Variants in SPECC1 observed in about 807,000 individuals in gnomAD.
The protein encoded by SPECC1 is sperm antigen with calponin homology and coiled-coil domains 1, also known as cytospin-B.
Under a neutral mutation model 104.1 loss-of-function variants are expected in SPECC1, and 62 were observed. The ratio of observed to expected loss-of-function variants is 0.60; its 90% CI spans 0.49 to 0.74. SPECC1 has a LOEUF of 0.74. Among genes scored for constraint, SPECC1 ranks in the 30% least tolerant of loss-of-function variants. The probability of loss-of-function intolerance (pLI) is 0.00; values close to 1 mark genes in which losing one functional copy is unlikely to be tolerated. For synonymous variants in SPECC1, 513 were observed against 501.6 expected, an observed-to-expected ratio of 1.02 and a Z score of -0.30; for missense variants, 1,306 against 1,310.5, an observed-to-expected ratio of 1.00 and a Z score of 0.05.
chr17:20,052,173 T>C (rs1367066528), intron 1 of SPECC1, among the ~76,000 whole-genome samples: 2 of 152,222 alleles, frequency 1.3e-5, no homozygotes, highest in African/African-American at 4.8e-5. Context: ...TTCAATATCA[T>C]GTGCCTAGTA....
chr17:20,232,510 C>T (rs2038659484), intron 7 of SPECC1, 105 bp downstream of exon 7: 2 of 1,295,426 alleles, frequency 1.5e-6, no homozygotes, highest in Admixed American at 2.3e-5. Flanking sequence ...TCTGCTATTT[C>T]CTTTCTGAGA....
intron 3 of SPECC1, among the ~76,000 whole-genome samples, chr17:20,171,097 T>C (rs1432383966): frequency 6.6e-6 from 1 of 152,230 alleles, no homozygotes; most frequent in African/African-American, 2.4e-5. Context: ...TATAGTTATA[T>C]TTTGGCCTCT....
At chr17:20,120,140 C>A (rs1224066732) in intron 3 of SPECC1, among the ~76,000 whole-genome samples, 3 of 152,218 alleles carry the variant, frequency 2.0e-5, no homozygotes, top group Non-Finnish European at 4.4e-5. Context: ...GTAATCCCAG[C>A]ACTCTGGGAG....
At chr17:20,313,392 G>A (rs1598187329) in intron 14 of SPECC1, among the ~76,000 whole-genome samples, 1 of 152,260 alleles carries the variant, frequency 6.6e-6, no homozygotes, top group Non-Finnish European at 1.5e-5. Context: ...TCGACAGAAG[G>A]AAACAATACT....
At chr17:20,308,217 G>A (rs59694824) in intron 14 of SPECC1, among the ~76,000 whole-genome samples, 10 of 151,896 alleles carry the variant, frequency 6.6e-5, no homozygotes, top group Admixed American at 1.3e-4. Flanking sequence ...GTGAAAGCCC[G>A]TACCTACTAA....
At chr17:20,056,837 A>G (rs148728079) in intron 1 of SPECC1, among the ~76,000 whole-genome samples, 1,893 of 152,322 alleles carry the variant, frequency 0.012, 44 homozygotes, top group African/African-American at 0.043. Context: ...AAATAATTAA[A>G]AAATTAATTA....
intron 12 of SPECC1, among the ~76,000 whole-genome samples, chr17:20,287,508 C>T (rs898918030): frequency 1.3e-5 from 2 of 149,616 alleles, no homozygotes; most frequent in African/African-American, 4.9e-5. Context: ...CTCAATTCAT[C>T]TCTTTTCTGC....
rs150413678 is a variant in SPECC1, at chr17:20,287,828, G to A, written c.2941-9133G>A. Among the ~76,000 whole-genome samples the A allele has an allele frequency of 1.6e-3, 248 of 151,864 alleles. 1 individual carries two copies. The highest frequency in any genetic ancestry group is 5.9e-3 in the African/African-American group (243 of 41,394). On this transcript the variant is annotated intron_variant, in intron 12 of 14. Coordinates refer to ENST00000395527, the MANE Select transcript of SPECC1 (RefSeq NM_001243439.2). ...ATCAACTTTTATTTTAAAATTTCAGGGTACATGTGCAGGATGTGCAGGTTT... is the reference window on the plus strand; with the variant it reads ...ATCAACTTTTATTTTAAAATTTCAGAGTACATGTGCAGGATGTGCAGGTTT...
chr17:20,177,765 A>G (rs2034573695), intron 3 of SPECC1, among the ~76,000 whole-genome samples: 1 of 152,134 alleles, frequency 6.6e-6, no homozygotes, highest in South Asian at 2.1e-4. Context: ...GCTGGAGTGC[A>G]GTGGCGCGAT....
intron 9 of SPECC1, among the ~76,000 whole-genome samples, chr17:20,251,866 G>A (rs1054376037): frequency 2.6e-5 from 4 of 151,892 alleles, no homozygotes; most frequent in Admixed American, 2.0e-4. Context: ...TATAAATAAA[G>A]AAAATAAGGC....
intron 3 of SPECC1, among the ~76,000 whole-genome samples, chr17:20,119,074 A>G (rs1288222738): frequency 6.6e-6 from 1 of 152,216 alleles, no homozygotes; most frequent in Non-Finnish European, 1.5e-5. Context: ...GTTGGGAAAA[A>G]GGTCTGTGAA....
intron 12 of SPECC1, among the ~76,000 whole-genome samples, chr17:20,283,897 A>G (rs991334478): frequency 6.6e-5 from 10 of 152,014 alleles, no homozygotes; most frequent in African/African-American, 2.4e-4. Context: ...CCTCTTTCTT[A>G]TTGATTACAG....
At chr17:20,132,698 A>G (rs1186040586) in intron 3 of SPECC1, among the ~76,000 whole-genome samples, 1 of 150,054 alleles carries the variant, frequency 6.7e-6, no homozygotes, top group Non-Finnish European at 1.5e-5. Flanking sequence ...CTAAACTGTC[A>G]AATTTTATGT....
intron 1 of SPECC1, among the ~76,000 whole-genome samples, chr17:20,078,394 A>C (rs1289872945): frequency 1.3e-5 from 2 of 152,108 alleles, no homozygotes; most frequent in Non-Finnish European, 2.9e-5. Flanking sequence ...AGCAATTCCT[A>C]GAAAAAGGAA....
intron 12 of SPECC1, among the ~76,000 whole-genome samples, chr17:20,282,652 G>A (rs79406441): frequency 7.9e-5 from 12 of 152,126 alleles, no homozygotes; most frequent in African/African-American, 2.2e-4. Flanking sequence ...ATGAAGCCAC[G>A]GCAGAGGAGA....
At chr17:20,230,879 A>T (rs2038530600) in intron 5 of SPECC1, among the ~76,000 whole-genome samples, 1 of 152,186 alleles carries the variant, frequency 6.6e-6, no homozygotes, top group Admixed American at 6.5e-5. Context: ...TGCAGCATTG[A>T]TTCCAGACAC....
At chr17:20,084,954 T>A (rs965433864) in intron 1 of SPECC1, among the ~76,000 whole-genome samples, 1 of 152,152 alleles carries the variant, frequency 6.6e-6, no homozygotes, top group African/African-American at 2.4e-5. Context: ...CAGGGTGCTG[T>A]GGACACACTG....
chr17:20,110,065 T>G (rs2048408061), intron 2 of SPECC1, among the ~76,000 whole-genome samples: 1 of 151,704 alleles, frequency 6.6e-6, no homozygotes, highest in Admixed American at 6.5e-5. Flanking sequence ...CTTGAACTCC[T>G]GAGCCCAGCA....
chr17:20,236,098 C>T (rs2151496324), intron 7 of SPECC1, among the ~76,000 whole-genome samples: 1 of 152,242 alleles, frequency 6.6e-6, no homozygotes, highest in South Asian at 2.1e-4. Flanking sequence ...CTTTAAGGTC[C>T]CTTTTCCAGC....
Sources: allele counts gnomAD v4.1 joint callset (sites outside exome capture counted in the v4.1 genomes callset), GRCh38; gene constraint gnomAD v4.1.1; transcripts MANE v1.5; gene names NCBI Gene and HGNC (gene_info 2026-07-23, HGNC 2026-07-21).